ENOX1: variants seen among roughly 807,000 people sequenced by gnomAD.
ENOX1 encodes candidate growth-related and time keeping constitutive hydroquinone (NADH) oxidase.
Under a neutral mutation model 82.5 loss-of-function variants are expected in ENOX1, and 42 were observed. The ratio of observed to expected loss-of-function variants is 0.51; its 90% CI spans 0.40 to 0.66. The LOEUF (loss-of-function observed/expected upper bound fraction) is 0.66. Among genes scored for constraint, ENOX1 ranks in the 30% least tolerant of loss-of-function variants. The probability of loss-of-function intolerance (pLI) is 0.00; values close to 1 mark genes in which losing one functional copy is unlikely to be tolerated. For synonymous variants in ENOX1, 271 were observed against 282.2 expected, an observed-to-expected ratio of 0.96 and a Z score of 0.40; for missense variants, 608 against 811.6, an observed-to-expected ratio of 0.75 and a Z score of 3.05.
At chr13:43,744,436 A>G (rs1949913697) in intron 1 of ENOX1, among the ~76,000 whole-genome samples, 2 of 152,152 alleles carry the variant, frequency 1.3e-5, no homozygotes, top group Non-Finnish European at 2.9e-5. Context: ...ATACCATGCC[A>G]AGGATCTCCA....
At chr13:43,777,026 G>C (rs991428560) in intron 1 of ENOX1, among the ~76,000 whole-genome samples, 5 of 152,194 alleles carry the variant, frequency 3.3e-5, no homozygotes, top group African/African-American at 1.2e-4. Context: ...GCTGGTGAAA[G>C]GAAGAGGAGT....
intron 8 of ENOX1, among the ~76,000 whole-genome samples, chr13:43,350,167 A>G (rs549940359): frequency 6.6e-6 from 1 of 152,346 alleles, no homozygotes; most frequent in South Asian, 2.1e-4. Context: ...TAGAAAATGT[A>G]AATCTTTATA....
chr13:43,420,228 G>T (rs146586300), intron 3 of ENOX1, among the ~76,000 whole-genome samples: 3 of 152,162 alleles, frequency 2.0e-5, no homozygotes, highest in Admixed American at 2.0e-4. Flanking sequence ...TGTGAAGTAG[G>T]TATGCTTATG....
At chr13:43,633,933 T>C (rs2083317142) in intron 2 of ENOX1, among the ~76,000 whole-genome samples, 3 of 152,112 alleles carry the variant, frequency 2.0e-5, no homozygotes, top group Admixed American at 6.6e-5. Flanking sequence ...AATCTTATAA[T>C]GAGTAAGTGA....
At chr13:43,230,642 T>C (rs559261771) in intron 15 of ENOX1, among the ~76,000 whole-genome samples, 101 of 152,250 alleles carry the variant, frequency 6.6e-4, no homozygotes, top group African/African-American at 2.4e-3. Context: ...CCACAGTGGT[T>C]TGGATAAGTG....
chr13:43,746,170 T>A (rs1594664323), intron 1 of ENOX1, among the ~76,000 whole-genome samples: 1 of 152,218 alleles, frequency 6.6e-6, no homozygotes, highest in Non-Finnish European at 1.5e-5. Context: ...TATATTAATA[T>A]ATGTCAGTGT....
chr13:43,402,995 G>A (rs945077370), intron 5 of ENOX1, among the ~76,000 whole-genome samples: 11 of 151,982 alleles, frequency 7.2e-5, no homozygotes, highest in African/African-American at 2.7e-4. Flanking sequence ...GAAAATTAGG[G>A]AATGTATGTA....
At chr13:43,439,436 G>A (rs1357030924) in intron 3 of ENOX1, among the ~76,000 whole-genome samples, 1 of 151,950 alleles carries the variant, frequency 6.6e-6, no homozygotes, top group Non-Finnish European at 1.5e-5. Flanking sequence ...TCCTGACCTC[G>A]TGATCTGCCC....
At chr13:43,382,758 GA>G (rs1240336466) in intron 5 of ENOX1, among the ~76,000 whole-genome samples, 2 of 152,108 alleles carry the variant, frequency 1.3e-5, no homozygotes, top group Admixed American at 1.3e-4. Flanking sequence ...TGAAATTGTA[GA>G]ATTTAAATAT....
intron 14 of ENOX1, among the ~76,000 whole-genome samples, chr13:43,241,926 C>T (rs1026903576): frequency 6.6e-6 from 1 of 152,174 alleles, no homozygotes; most frequent in Admixed American, 6.5e-5. Context: ...TCTCCACCTA[C>T]CCAAGCCCCT....
chr13:43,411,984 G>A lies in ENOX1; in HGVS notation c.140C>T (p.Ala47Val). ...CAGGTTATTCATGGCTGTAGCCCAG[G>A]CTGTGGGATCTGTCACGGACATGTT... ...QLNMSVTDPT[A>V]WATAMNNLGM... is the part of the protein sequence containing the mutation. The change falls in exon 5 of 17, where the codon GCC (alanine) becomes GTC (valine). Residue 47 changes from alanine (A) to valine (V), a missense_variant. By Grantham distance (64) the Ala-to-Val change is moderately conservative. Coordinates refer to ENST00000690772, the MANE Select transcript of ENOX1 (RefSeq NM_001347969.2). The A allele has an allele frequency of 1.2e-6, 2 of 1,614,180 alleles. No homozygotes were observed. The highest frequency in any genetic ancestry group is 1.7e-6 in the Non-Finnish European group (2 of 1,180,030).
At chr13:43,247,876 TATATATA>T (rs1246163626) in intron 14 of ENOX1, among the ~76,000 whole-genome samples, 2 of 2,722 alleles carry the variant, frequency 7.3e-4, no homozygotes, top group African/African-American at 1.9e-3. Flanking sequence ...TATATATATA[TATATATA>T]TTTTTTTTTT....
chr13:43,614,541 G>GTTT (rs1566636590), intron 2 of ENOX1, among the ~76,000 whole-genome samples: 1 of 26,822 alleles, frequency 3.7e-5, no homozygotes, highest in South Asian at 2.4e-3. Context: ...AAAATAAAGG[G>GTTT]CTTTTTTTTT....
intron 5 of ENOX1, among the ~76,000 whole-genome samples, chr13:43,387,818 A>G (rs9533471): frequency 0.98 from 149,186 of 152,122 alleles, 73,226 homozygotes; most frequent in East Asian, 1. Context: ...ATACATATGC[A>G]AAAACATAGA....
intron 2 of ENOX1, among the ~76,000 whole-genome samples, chr13:43,492,308 A>G (rs1238780329): frequency 6.6e-6 from 1 of 152,206 alleles, no homozygotes; most frequent in Non-Finnish European, 1.5e-5. Flanking sequence ...AGGCCTGGCC[A>G]TTGCTTTGAC....
At chr13:43,338,675 G>GT (rs2048859174) in intron 9 of ENOX1, among the ~76,000 whole-genome samples, 1 of 133,348 alleles carries the variant, frequency 7.5e-6, no homozygotes, top group African/African-American at 2.8e-5. Flanking sequence ...ATTCAGGTTG[G>GT]GTTTTTTTTT....
At chr13:43,612,463 A>C (rs2082237931) in intron 2 of ENOX1, among the ~76,000 whole-genome samples, 1 of 152,190 alleles carries the variant, frequency 6.6e-6, no homozygotes, top group South Asian at 2.1e-4. Flanking sequence ...ACATAAATAG[A>C]AGCAACATCT....
chr13:43,277,553 C>A (rs1252895551), intron 12 of ENOX1, among the ~76,000 whole-genome samples: 1 of 152,194 alleles, frequency 6.6e-6, no homozygotes, highest in African/African-American at 2.4e-5. Flanking sequence ...GCATGAAGGA[C>A]CCTGCTGCAC....
chr13:43,269,706 T>A, intron 12 of ENOX1, 129 bp from the exon 13 acceptor site: 1 of 713,748 alleles, frequency 1.4e-6, no homozygotes, highest in East Asian at 2.6e-5. Flanking sequence ...CAGACCTCAG[T>A]TGACCTTGTG....
Sources: gnomAD v4.1 joint callset for allele counts (sites outside exome capture counted in the v4.1 genomes callset) on GRCh38, gnomAD v4.1.1 for gene constraint, MANE v1.5 for transcripts, NCBI Gene and HGNC (gene_info 2026-07-23, HGNC 2026-07-21) for gene names.